The following PAPPA2 variants were observed in gnomAD, a reference collection of about 807,000 sequenced individuals.
PAPPA2 encodes pappalysin-2.
A neutral mutation model predicts 176.4 loss-of-function variants in PAPPA2; 86 were observed. That is an observed-to-expected ratio of 0.49 (90% CI 0.41 to 0.58). The LOEUF is 0.58. Among genes scored for constraint, PAPPA2 ranks in the 20% least tolerant of loss-of-function variants. PAPPA2 has a pLI of 0.00. For missense variants in PAPPA2, 2,073 were observed against 2,256.9 expected, an observed-to-expected ratio of 0.92 and a Z score of 1.65; for synonymous variants, 809 against 852.2, an observed-to-expected ratio of 0.95 and a Z score of 0.88.
At chr1:176,467,124 C>T (rs759089702) in intron 1 of PAPPA2, among the ~76,000 whole-genome samples, 4 of 152,082 alleles carry the variant, frequency 2.6e-5, no homozygotes, top group Admixed American at 2.0e-4. Context: ...CATAGCCTAC[C>T]GAGCCTACAA....
At chr1:176,616,323 A>G (rs982369473) in intron 3 of PAPPA2, 10 of 551,156 alleles carry the variant, frequency 1.8e-5, no homozygotes, top group Non-Finnish European at 2.5e-5. Context: ...GCGCAGCCGC[A>G]TTTTAGGATG....
chr1:176,786,469 A>G (rs1371224796), intron 17 of PAPPA2, among the ~76,000 whole-genome samples: 1 of 152,196 alleles, frequency 6.6e-6, no homozygotes, highest in Non-Finnish European at 1.5e-5. Flanking sequence ...AGCTGCATTC[A>G]CAGGTAAAAC....
At chr1:176,562,415 A>G (rs1412377271) in intron 2 of PAPPA2, among the ~76,000 whole-genome samples, 3 of 152,212 alleles carry the variant, frequency 2.0e-5, no homozygotes, top group Non-Finnish European at 4.4e-5. Flanking sequence ...CCCTTTATCC[A>G]ATAGGACTCA....
chr1:176,739,734 G>C lies in PAPPA2; in HGVS notation c.3907G>C (p.Asp1303His). Residue 1303 changes from aspartate (D) to histidine (H), a missense_variant, in exon 13 of 23, where the codon GAT (aspartate) becomes CAT (histidine). Physicochemically the swap from Asp to His is moderately conservative, Grantham distance 81 (BLOSUM62 -1). Transcript: ENST00000367662. ...QQPTVTLYLT[D>H]VRGSNHSLGT... ...GCCGACAGTGACTCTCTACCTGACCGATGTCCGTGGAAGCAACCACTCTCT... is the reference window on the plus strand; with the variant it reads ...GCCGACAGTGACTCTCTACCTGACCCATGTCCGTGGAAGCAACCACTCTCT... 1.9e-6 allele frequency: 3 copies of C among 1,613,596 alleles called. No individual in the cohort carries two copies. The East Asian group carries it at 6.7e-5, about 36-fold the overall frequency.
intron 3 of PAPPA2, among the ~76,000 whole-genome samples, chr1:176,654,233 A>G (rs1321363570): frequency 2.0e-5 from 3 of 151,620 alleles, no homozygotes; most frequent in Admixed American, 2.0e-4. Flanking sequence ...ATTTTTGTAT[A>G]TGATGATAGA....
intron 6 of PAPPA2, among the ~76,000 whole-genome samples, chr1:176,693,258 C>T (rs1227329801): frequency 1.3e-5 from 2 of 152,184 alleles, no homozygotes; most frequent in African/African-American, 2.4e-5. Flanking sequence ...ATTTTACTTG[C>T]ACTTGTCTTA....
intron 2 of PAPPA2, among the ~76,000 whole-genome samples, chr1:176,566,098 C>T (rs72716813): frequency 0.06 from 9,162 of 152,142 alleles, 402 homozygotes; most frequent in East Asian, 0.14. Flanking sequence ...GAAGAGAAAC[C>T]GAGGGGAGAA....
chr1:176,840,155 C>T lies in PAPPA2; in HGVS notation c.5203-18C>T, dbSNP rs747242152. On this transcript the variant is annotated intron_variant, in intron 21 of 22. Transcript: ENST00000367662. The stretch of plus-strand genomic sequence containing the variant: ...TAATAAGGCTATACTGAGATGTTGC[C>T]TTCTAACCTCCCTACAGCCCTTCCA... 28 of 1,596,510 alleles carry T rather than the reference C, an allele frequency of 1.8e-5. No homozygotes were observed. Among genetic ancestry groups the T allele is most frequent in the Non-Finnish European group, 2.3e-5 (27 of 1,164,616 alleles).
rs539743522 is a variant in PAPPA2 at position 176,501,395 on chromosome 1, GGTGAA to G, written c.-917+37980_-917+37984del. 9.9e-5 allele frequency among the ~76,000 whole-genome samples: 15 copies of G among 152,212 alleles called. No homozygotes were observed. The South Asian group carries it at 3.1e-3, about 32-fold the overall frequency. ...CTGTTATTACTACAAAATTGATCTA[GGTGAA>G]GTTGTCCTGTCCCTCTTTGTCCCCA... On this transcript the variant is annotated intron_variant, in intron 1 of 22. Transcript: ENST00000367662.
intron 3 of PAPPA2, among the ~76,000 whole-genome samples, chr1:176,598,942 A>G (rs1164582150): frequency 6.6e-6 from 1 of 152,104 alleles, no homozygotes; most frequent in Non-Finnish European, 1.5e-5. Flanking sequence ...TCCTCAAGCA[A>G]ATTTCTAAGA....
intron 1 of PAPPA2, among the ~76,000 whole-genome samples, chr1:176,492,578 C>T (rs1458124816): frequency 6.6e-6 from 1 of 152,158 alleles, no homozygotes; most frequent in Non-Finnish European, 1.5e-5. Flanking sequence ...GGGGCTCTGC[C>T]TACACACTAC....
At chr1:176,470,913 C>T (rs1157187710) in intron 1 of PAPPA2, among the ~76,000 whole-genome samples, 1 of 151,952 alleles carries the variant, frequency 6.6e-6, no homozygotes, top group Admixed American at 6.6e-5. Context: ...CAAAAGCTGG[C>T]CCCATGCTTT....
intron 4 of PAPPA2, among the ~76,000 whole-genome samples, chr1:176,678,238 A>G (rs1020325401): frequency 6.6e-6 from 1 of 152,184 alleles, no homozygotes; most frequent in Non-Finnish European, 1.5e-5. Context: ...CAAACCACAC[A>G]TTCTTAGAGT....
At chr1:176,678,056 A>G (rs937877281) in intron 4 of PAPPA2, among the ~76,000 whole-genome samples, 1 of 152,180 alleles carries the variant, frequency 6.6e-6, no homozygotes, top group Non-Finnish European at 1.5e-5. Context: ...TGGGAATTGA[A>G]GGATAAGCAG....
chr1:176,702,776 T>TGTGAGTGA (rs756390670), intron 9 of PAPPA2, 41 bp downstream of exon 9: 1 of 1,145,106 alleles, frequency 8.7e-7, no homozygotes, highest in Admixed American at 2.4e-5. Context: ...TGTGTGTGTG[T>TGTGAGTGA]GAGAGAGAGA....
chr1:176,836,062 G>A (rs952034679), intron 21 of PAPPA2, among the ~76,000 whole-genome samples: 1 of 152,124 alleles, frequency 6.6e-6, no homozygotes, highest in Non-Finnish European at 1.5e-5. Flanking sequence ...AAGAGCCAGA[G>A]AAAAAGAAAA....
chr1:176,824,021 G>C (rs1666765141), intron 21 of PAPPA2, among the ~76,000 whole-genome samples: 1 of 152,196 alleles, frequency 6.6e-6, no homozygotes, highest in African/African-American at 2.4e-5. Flanking sequence ...TCTGCAATAG[G>C]ATAGTATTTG....
chr1:176,767,131 T>G (rs1445670456), intron 15 of PAPPA2, among the ~76,000 whole-genome samples: 1 of 152,066 alleles, frequency 6.6e-6, no homozygotes. Flanking sequence ...TTTACCCATC[T>G]CAACTCAGGC....
intron 2 of PAPPA2, among the ~76,000 whole-genome samples, chr1:176,575,314 T>G (rs1417727443): frequency 6.6e-6 from 1 of 152,228 alleles, no homozygotes; most frequent in African/African-American, 2.4e-5. Context: ...AATATTTATC[T>G]ACGTTTGTCC....
Sources: allele counts gnomAD v4.1 joint callset (sites outside exome capture counted in the v4.1 genomes callset), GRCh38; gene constraint gnomAD v4.1.1; transcripts MANE v1.5; gene names NCBI Gene and HGNC (gene_info 2026-07-23, HGNC 2026-07-21).